Variants in TASP1 observed in about 807,000 individuals in gnomAD.
TASP1 encodes the protein taspase 1, also known as threonine aspartase 1.
TASP1 carries 16 observed loss-of-function variants against 56.6 expected under a neutral mutation model. The observed-to-expected ratio is 0.28, with a 90% CI of 0.19 to 0.43. TASP1 has a LOEUF of 0.43. Among genes scored for constraint, TASP1 ranks in the 20% least tolerant of loss-of-function variants. The pLI is 1.00. For missense variants in TASP1, 393 were observed against 511.6 expected (o/e 0.77, Z 2.24); for synonymous variants, 179 against 184.2 (o/e 0.97, Z 0.23).
Position 13,398,898 on chromosome 20 carries a change from A to G in TASP1, c.1171-8446T>C, listed in dbSNP as rs60606845. On this transcript the variant is annotated intron_variant, in intron 13 of 13. Transcript: ENST00000337743. ...AAAGTTATTTGAAAGAGTTCTCTACACCTATTACCTCAAATTCTTTCCTTC... is the reference window on the plus strand; with the variant it reads ...AAAGTTATTTGAAAGAGTTCTCTACGCCTATTACCTCAAATTCTTTCCTTC... Among the ~76,000 whole-genome samples, 624 of 152,214 alleles carry G rather than the reference A, an allele frequency of 4.1e-3. 4 individuals are homozygous for G. Among genetic ancestry groups the G allele is most frequent in the African/African-American group, 0.014 (592 of 41,522 alleles).
the TASP1 span, among the ~76,000 whole-genome samples, chr20:13,321,325 G>C: frequency 7.8e-6 from 1 of 127,922 alleles, no homozygotes; most frequent in East Asian, 2.3e-4. Context: ...TAGCAGTTTT[G>C]TCCACAGGGG....
At chr20:13,186,196 A>G in the TASP1 span, among the ~76,000 whole-genome samples, 1 of 152,212 alleles carries the variant, frequency 6.6e-6, no homozygotes, top group Non-Finnish European at 1.5e-5. Context: ...AAGGTCTCAC[A>G]ATGAAGATCC....
the TASP1 span, among the ~76,000 whole-genome samples, chr20:13,106,458 GA>G: frequency 6.6e-6 from 1 of 152,170 alleles, no homozygotes; most frequent in Non-Finnish European, 1.5e-5. Flanking sequence ...TTATTGACGA[GA>G]AGAGTTTGGG....
intron 10 of TASP1, among the ~76,000 whole-genome samples, chr20:13,505,151 G>A (rs762192551): frequency 1.6e-4 from 24 of 152,026 alleles, no homozygotes; most frequent in Non-Finnish European, 2.9e-4. Context: ...TAGACTTCAA[G>A]TCAAAAGGTG....
At chr20:13,608,881 A>G (rs538007424) in intron 4 of TASP1, among the ~76,000 whole-genome samples, 11 of 152,352 alleles carry the variant, frequency 7.2e-5, no homozygotes, top group Admixed American at 5.2e-4. Context: ...AATACATTAG[A>G]TAACATGTCA....
intron 11 of TASP1, among the ~76,000 whole-genome samples, chr20:13,478,261 G>T (rs901294095): frequency 4.0e-5 from 6 of 151,854 alleles, no homozygotes; most frequent in Non-Finnish European, 8.8e-5. Flanking sequence ...AACTGCACTC[G>T]TATGTGTACC....
At chr20:13,360,431 C>G in the TASP1 span, among the ~76,000 whole-genome samples, 3 of 152,146 alleles carry the variant, frequency 2.0e-5, no homozygotes, top group Non-Finnish European at 2.9e-5. Context: ...TCGTGTCCAA[C>G]TGATCTCTCA....
intron 7 of TASP1, among the ~76,000 whole-genome samples, chr20:13,565,625 C>T (rs149762467): frequency 0.011 from 1,692 of 152,086 alleles, 42 homozygotes; most frequent in African/African-American, 0.038. Context: ...AAATGCAAAT[C>T]AAAATCACAA....
chr20:13,373,274 A>G, the TASP1 span, among the ~76,000 whole-genome samples: 2 of 152,046 alleles, frequency 1.3e-5, no homozygotes, highest in Non-Finnish European at 2.9e-5. Flanking sequence ...TATACACTTG[A>G]TTTATAAAAT....
the TASP1 span, among the ~76,000 whole-genome samples, chr20:13,339,843 A>G: frequency 6.6e-6 from 1 of 152,052 alleles, no homozygotes; most frequent in African/African-American, 2.4e-5. Context: ...CTCACGCTCA[A>G]TATGAAAACA....
the TASP1 span, among the ~76,000 whole-genome samples, chr20:13,179,959 G>T: frequency 6.6e-6 from 1 of 152,120 alleles, no homozygotes; most frequent in Non-Finnish European, 1.5e-5. Context: ...AGAGTTTGTA[G>T]TCTATGGACA....
intron 10 of TASP1, among the ~76,000 whole-genome samples, chr20:13,486,563 T>C (rs1253710278): frequency 6.6e-6 from 1 of 152,136 alleles, no homozygotes; most frequent in Non-Finnish European, 1.5e-5. Flanking sequence ...AGGGACTACA[T>C]ACCAGAGTAA....
chr20:13,580,763 ATG>A, intron 6 of TASP1, 132 bp downstream of exon 6: 1 of 801,258 alleles, frequency 1.2e-6, no homozygotes, highest in Non-Finnish European at 2.1e-6. Flanking sequence ...GCTGTACAAA[ATG>A]TTCCAAGATC....
the TASP1 span, among the ~76,000 whole-genome samples, chr20:13,223,829 G>A: frequency 2.6e-5 from 4 of 152,078 alleles, no homozygotes; most frequent in Non-Finnish European, 4.4e-5. Context: ...TATACATGAT[G>A]CTTTCTTTCC....
the TASP1 span, among the ~76,000 whole-genome samples, chr20:13,310,719 C>G: frequency 0.015 from 2,287 of 152,250 alleles, 30 homozygotes; most frequent in Middle Eastern, 0.054. Flanking sequence ...AACAACTTAA[C>G]AGCAAGAAAA....
At chr20:13,252,660 C>T in the TASP1 span, among the ~76,000 whole-genome samples, 3 of 151,990 alleles carry the variant, frequency 2.0e-5, no homozygotes. Flanking sequence ...GAGGCTGAGG[C>T]AGGAGAATCG....
chr20:13,137,166 G>A, the TASP1 span, among the ~76,000 whole-genome samples: 3 of 152,166 alleles, frequency 2.0e-5, no homozygotes, highest in Non-Finnish European at 4.4e-5. Flanking sequence ...CAAGACCTGA[G>A]GAGGAAATAT....
In TASP1 at chr20:13,483,315, G is replaced by A. The variant is rs1277164672; in HGVS notation, c.897C>T (p.Arg299=). ...GTGAACATTCTCTAGCCAGTATGGTGCGCACAAGATGCTCTCCACATCCTA... is the reference window on the plus strand; with the variant it reads ...GTGAACATTCTCTAGCCAGTATGGTACGCACAAGATGCTCTCCACATCCTA... The part of the protein sequence containing the change: ...STSGCGEHLV[R]TILARECSHA... Residue 299 remains arginine, a synonymous_variant, in exon 11 of 14, where the codon CGC becomes CGT. Coordinates refer to ENST00000337743, the MANE Select transcript of TASP1 (RefSeq NM_017714.3). 2.5e-6 allele frequency: 4 copies of A among 1,587,094 alleles called. No individual in the cohort carries two copies. The African/African-American group carries it at 5.4e-5, about 21-fold the overall frequency.
chr20:13,392,981 C>T (rs558603874), intron 13 of TASP1: 5 of 586,514 alleles, frequency 8.5e-6, no homozygotes, highest in South Asian at 3.1e-5. Flanking sequence ...AGTATCTTCA[C>T]GACCATGGAG....
Sources: allele counts gnomAD v4.1 joint callset (sites outside exome capture counted in the v4.1 genomes callset), GRCh38; gene constraint gnomAD v4.1.1; transcripts MANE v1.5; gene names NCBI Gene and HGNC (gene_info 2026-07-23, HGNC 2026-07-21).